Variants in CCDC85C observed in about 807,000 individuals in gnomAD.
CCDC85C encodes the protein coiled-coil domain containing 85C.
A neutral mutation model predicts 38.3 loss-of-function variants in CCDC85C; 18 were observed. That is an observed-to-expected ratio of 0.47 (90% CI 0.33 to 0.70). The LOEUF (loss-of-function observed/expected upper bound fraction) is 0.70. Among genes scored for constraint, CCDC85C ranks in the 30% least tolerant of loss-of-function variants. The pLI is 0.03. For synonymous variants in CCDC85C, 264 were observed against 293.8 expected, an observed-to-expected ratio of 0.90 and a Z score of 1.04; for missense variants, 566 against 621.2, an observed-to-expected ratio of 0.91 and a Z score of 0.94.
intron 1 of CCDC85C, among the ~76,000 whole-genome samples, chr14:99,601,994 C>T (rs1018163195): frequency 2.7e-5 from 4 of 150,884 alleles, no homozygotes; most frequent in Admixed American, 2.6e-4. Flanking sequence ...CCAGCTCAGG[C>T]TGAGGGGTTC....
At chr14:99,577,522 G>A (rs748400956) in intron 1 of CCDC85C, among the ~76,000 whole-genome samples, 7 of 151,842 alleles carry the variant, frequency 4.6e-5, no homozygotes, top group East Asian at 3.9e-4. Flanking sequence ...AATGGGCTCC[G>A]GGACACCCCT....
chr14:99,536,165 A>G (rs927773786), intron 1 of CCDC85C, 77 bp from the exon 2 acceptor site: 2 of 1,032,670 alleles, frequency 1.9e-6, no homozygotes, highest in Admixed American at 2.0e-5. Flanking sequence ...GACTGGCCCC[A>G]GACCCGGCAT....
At chr14:99,542,617 C>T (rs1046669905) in intron 1 of CCDC85C, among the ~76,000 whole-genome samples, 6 of 152,148 alleles carry the variant, frequency 3.9e-5, no homozygotes, top group African/African-American at 1.4e-4. Flanking sequence ...CCTCCTCTTC[C>T]CAGGCAGTCC....
chr14:99,558,479 G>A lies in CCDC85C; in HGVS notation c.794-22391C>T, dbSNP rs553958345. 3.3e-5 allele frequency among the ~76,000 whole-genome samples: 5 copies of A among 152,234 alleles called. No individual in the cohort carries two copies. Among genetic ancestry groups the A allele is most frequent in the Admixed American group, 6.5e-5 (1 of 15,288 alleles). On this transcript the variant is annotated intron_variant, in intron 1 of 5. Transcript: ENST00000380243. The surrounding 1 kb of genome is among the most constrained non-coding windows in gnomAD (Gnocchi z 4.2). Reference sequence around the variant, plus strand: ...CTACTAAAAATACAAAAATTAGCTGGGCGTGGTGGCAGTTGCCTGTAATCC... The same window carrying A: ...CTACTAAAAATACAAAAATTAGCTGAGCGTGGTGGCAGTTGCCTGTAATCC...
At chr14:99,519,979 G>A (rs570012612) in intron 3 of CCDC85C, among the ~76,000 whole-genome samples, 3 of 152,180 alleles carry the variant, frequency 2.0e-5, no homozygotes, top group Non-Finnish European at 2.9e-5. Context: ...CTGTGATGAC[G>A]GCACAAGTCT....
chr14:99,514,924 G>A lies in CCDC85C; in HGVS notation c.*322C>T, dbSNP rs1021340784. On this transcript the variant is annotated 3_prime_UTR_variant, in exon 6 of 6. Transcript: ENST00000380243. ...ACAGAGGAGCCTGGACAGTTCCCAG[G>A]CTGGATCTCAGAAGCAGCCTGCAGC... 6 of 276,248 alleles carry A rather than the reference G, an allele frequency of 2.2e-5. No homozygotes were observed. Among genetic ancestry groups the A allele is most frequent in the African/African-American group, 1.1e-4 (5 of 46,028 alleles). The allele number at this position is 276,248 out of a possible 1,614,324, so 17.1% of individuals were successfully genotyped here. A position where few individuals can be genotyped will look rare whatever the true frequency, so the allele number is the denominator to read the frequency against.
chr14:99,588,197 G>A lies in CCDC85C; in HGVS notation c.793+14970C>T, dbSNP rs2055047604. On this transcript the variant is annotated intron_variant, in intron 1 of 5. Transcript: ENST00000380243. The surrounding 1 kb of genome is among the most constrained non-coding windows in gnomAD (Gnocchi z 5.0). The stretch of plus-strand genomic sequence containing the variant: ...TCAGCCGAACACAACAGTCACCCTG[G>A]GACAGTCTTTCCCACTACAAAGGAA... Among the ~76,000 whole-genome samples the A allele has an allele frequency of 6.6e-6, 1 of 152,034 alleles. No homozygotes were observed. Among genetic ancestry groups the A allele is most frequent in the Non-Finnish European group, 1.5e-5 (1 of 68,024 alleles).
Position 99,553,818 on chromosome 14 carries a change from G to A in CCDC85C, c.794-17730C>T, listed in dbSNP as rs555694183. On this transcript the variant is annotated intron_variant, in intron 1 of 5. Coordinates refer to ENST00000380243, the MANE Select transcript of CCDC85C (RefSeq NM_001144995.2). ...GCCCCTGCGGCGGAGATAGGGCAAGGACCCGAGGCTGAGGGCAGGGTCCAC... is the reference window on the plus strand; with the variant it reads ...GCCCCTGCGGCGGAGATAGGGCAAGAACCCGAGGCTGAGGGCAGGGTCCAC... Among the ~76,000 whole-genome samples the A allele has an allele frequency of 2.2e-4, 33 of 152,340 alleles. No individual in the cohort carries two copies. In the East Asian group the frequency reaches 6.2e-3, roughly 28 times the overall value.
chr14:99,553,464 A>G (rs1161635128), intron 1 of CCDC85C, among the ~76,000 whole-genome samples: 1 of 152,154 alleles, frequency 6.6e-6, no homozygotes, highest in African/African-American at 2.4e-5. Flanking sequence ...TCCTGGGTTC[A>G]AGCGATTCTT....
chr14:99,522,070 TG>T, intron 3 of CCDC85C, 62 bp downstream of exon 3: 2 of 1,331,102 alleles, frequency 1.5e-6, no homozygotes, highest in Middle Eastern at 1.8e-4. Flanking sequence ...GGCAGGTCAC[TG>T]GCCCGCCTGA....
At chr14:99,565,957 C>T (rs1898208336) in intron 1 of CCDC85C, among the ~76,000 whole-genome samples, 1 of 152,232 alleles carries the variant, frequency 6.6e-6, no homozygotes, top group Non-Finnish European at 1.5e-5. Flanking sequence ...CCCGTCTGCT[C>T]CAGCCCCGAG....
rs1374699564 is a variant in CCDC85C, at chr14:99,545,392, A to G, written c.794-9304T>C. Among the ~76,000 whole-genome samples the G allele has an allele frequency of 6.6e-6, 1 of 152,086 alleles. No individual in the cohort carries two copies. The highest frequency in any genetic ancestry group is 1.5e-5 in the Non-Finnish European group (1 of 68,008). Reference sequence around the variant, plus strand: ...TGCCCTACTTTGGATCTGCCTGGGAACCACCAGTGTTCTCAAACCAAAACT... The same window carrying G: ...TGCCCTACTTTGGATCTGCCTGGGAGCCACCAGTGTTCTCAAACCAAAACT... On this transcript the variant is annotated intron_variant, in intron 1 of 5. Transcript: ENST00000380243. The surrounding 1 kb of genome is among the most constrained non-coding windows in gnomAD (Gnocchi z 4.7).
intron 1 of CCDC85C, among the ~76,000 whole-genome samples, chr14:99,592,513 T>A (rs1287698380): frequency 6.6e-6 from 1 of 151,310 alleles, no homozygotes; most frequent in African/African-American, 2.4e-5. Context: ...CTCAAAGAGG[T>A]CCTAGGTGAC....
chr14:99,529,683 C>T lies in CCDC85C; in HGVS notation c.867+6332G>A, dbSNP rs151287709. 5.2e-3 allele frequency among the ~76,000 whole-genome samples: 785 copies of T among 152,366 alleles called. 7 individuals carry two copies. The highest frequency in any genetic ancestry group is 0.018 in the African/African-American group (751 of 41,580). ...CCTCCCAAAGTGCCGGGATTACAGG[C>T]GTGAGCCACTGCGCCCAGCTGAGGG... On this transcript the variant is annotated intron_variant, in intron 2 of 5. Coordinates refer to ENST00000380243, the MANE Select transcript of CCDC85C (RefSeq NM_001144995.2).
Position 99,503,188 on chromosome 14 carries a change from G to C in CCDC85C, c.*12058C>G, listed in dbSNP as rs1013099475. On this transcript the variant is annotated 3_prime_UTR_variant, in exon 6 of 6. Coordinates refer to ENST00000380243, the MANE Select transcript of CCDC85C (RefSeq NM_001144995.2). ...GGCTGCCTCTGAGAACCAGGAGGGGGCTCTCTGCCCGGCTCCAGCCCTGCT... is the reference window on the plus strand; with the variant it reads ...GGCTGCCTCTGAGAACCAGGAGGGGCCTCTCTGCCCGGCTCCAGCCCTGCT... 1.1e-5 allele frequency: 8 copies of C among 715,068 alleles called. No homozygotes were observed. Among genetic ancestry groups the C allele is most frequent in the Non-Finnish European group, 2.0e-5 (8 of 399,870 alleles). The allele number at this position is 715,068 out of a possible 1,614,324, so 44.3% of individuals were successfully genotyped here.
At chr14:99,602,136 C>G (rs925532135) in intron 1 of CCDC85C, among the ~76,000 whole-genome samples, 3 of 152,226 alleles carry the variant, frequency 2.0e-5, no homozygotes, top group Admixed American at 6.5e-5. Context: ...ACCAGCAGAA[C>G]TGGAAGCCAA....
Position 99,510,312 on chromosome 14 carries a change from C to T in CCDC85C, c.*4934G>A, listed in dbSNP as rs769843517. On this transcript the variant is annotated 3_prime_UTR_variant, in exon 6 of 6. Transcript: ENST00000380243. ...GCCACACCGGCCCCCGCCCCCACCC[C>T]CCTCCAGCTACATGACCGGGATGTC... 1 of 1,564,960 alleles carries T rather than the reference C, an allele frequency of 6.4e-7. No homozygotes were observed.
At position 99,516,975 on chromosome 14, in the gene CCDC85C, C is replaced by T. The variant is rs1005118922; in HGVS notation, c.1071+113G>A. The T allele has an allele frequency of 3.0e-6, 3 of 994,880 alleles. No homozygotes were observed. Among genetic ancestry groups the T allele is most frequent in the African/African-American group, 3.2e-5 (2 of 62,202 alleles). The allele number at this position is 994,880 out of a possible 1,614,324, so 61.6% of individuals were successfully genotyped here. Reference sequence around the variant, plus strand: ...CCATGGTCACCCAGCCACCCACACACAGATGAAACCTCCCACCCCTGCCAC... The same window carrying T: ...CCATGGTCACCCAGCCACCCACACATAGATGAAACCTCCCACCCCTGCCAC... On this transcript the variant is annotated intron_variant, in intron 4 of 5. Coordinates refer to ENST00000380243, the MANE Select transcript of CCDC85C (RefSeq NM_001144995.2). The surrounding 1 kb of genome is among the most constrained non-coding windows in gnomAD (Gnocchi z 5.5).
chr14:99,517,014 G>C, intron 4 of CCDC85C, 74 bp downstream of exon 4: 4 of 1,379,180 alleles, frequency 2.9e-6, no homozygotes, highest in Non-Finnish European at 3.0e-6. Flanking sequence ...GATACCCCTA[G>C]GTGCAAAGGT....
Sources: allele counts gnomAD v4.1 joint callset (sites outside exome capture counted in the v4.1 genomes callset), GRCh38; gene constraint gnomAD v4.1.1; non-coding constraint Gnocchi (gnomAD v3.1); transcripts MANE v1.5; gene names NCBI Gene and HGNC (gene_info 2026-07-23, HGNC 2026-07-21).